Variants in SYT10 observed in about 807,000 individuals in gnomAD.
SYT10 encodes the protein synaptotagmin-10.
A neutral mutation model predicts 51.1 loss-of-function variants in SYT10; 31 were observed. That is an observed-to-expected ratio of 0.61 (90% CI 0.46 to 0.82). The LOEUF (loss-of-function observed/expected upper bound fraction) is 0.82, where lower values mean the gene tolerates loss of function less well. Among genes scored for constraint, SYT10 ranks in the 40% least tolerant of loss-of-function variants. The probability of loss-of-function intolerance (pLI) is 0.00; values close to 1 mark genes in which losing one functional copy is unlikely to be tolerated. For synonymous variants in SYT10, 233 were observed against 225.9 expected (o/e 1.03, Z -0.28); for missense variants, 603 against 634.0 (o/e 0.95, Z 0.53).
chr12:33,415,879 C>A (rs1366697449), intron 2 of SYT10, among the ~76,000 whole-genome samples: 1 of 152,082 alleles, frequency 6.6e-6, no homozygotes, highest in Non-Finnish European at 1.5e-5. Context: ...TAAAATAATC[C>A]ATTGACCTCT....
intron 3 of SYT10, among the ~76,000 whole-genome samples, chr12:33,387,500 T>A (rs1427145465): frequency 6.6e-6 from 1 of 152,188 alleles, no homozygotes; most frequent in Non-Finnish European, 1.5e-5. Context: ...GTGTCTTAGA[T>A]ATATCAGGCA....
chr12:33,428,952 G>A (rs1199521822), intron 1 of SYT10, among the ~76,000 whole-genome samples: 2 of 151,738 alleles, frequency 1.3e-5, no homozygotes, highest in Non-Finnish European at 2.9e-5. Context: ...TGGACTCTGT[G>A]AGAGTAGATA....
At chr12:33,382,623 T>C in intron 4 of SYT10, 103 bp from the exon 5 acceptor site, 1 of 1,051,664 alleles carries the variant, frequency 9.5e-7, no homozygotes, top group South Asian at 2.3e-5. Flanking sequence ...TACTAAGGCC[T>C]ATATTAAGAC....
chr12:33,391,250 TTA>T (rs1390844613), intron 3 of SYT10, among the ~76,000 whole-genome samples: 9 of 151,758 alleles, frequency 5.9e-5, no homozygotes, highest in Admixed American at 4.7e-4. Context: ...TTATTTTATT[TTA>T]TTTTTTTTTA....
At position 33,439,691 on chromosome 12, in the gene SYT10, T is replaced by C. The variant is rs1031023331; in HGVS notation, c.-169A>G. ...TCTTAGGAGCCCCACGTTGGCCCCA[T>C]GGCGGGAGCGGAGGGCGTAGGGGAA... On this transcript the variant is annotated 5_prime_UTR_variant, in exon 1 of 7. It removes an upstream start codon present in the reference 5' UTR. Transcript: ENST00000228567. 10 of 784,572 alleles carry C rather than the reference T, an allele frequency of 1.3e-5. No homozygotes were observed. The highest frequency in any genetic ancestry group is 5.9e-5 in the South Asian group (3 of 50,824). 48.6% of individuals were successfully genotyped at this position (784,572 alleles called of 1,614,324 possible).
intron 3 of SYT10, among the ~76,000 whole-genome samples, chr12:33,402,358 T>A (rs763636247): frequency 6.6e-6 from 1 of 152,230 alleles, no homozygotes; most frequent in Non-Finnish European, 1.5e-5. Context: ...ATGCTGTTTT[T>A]TTCTTCAAGA....
At chr12:33,413,013 G>A (rs1251685106) in intron 2 of SYT10, among the ~76,000 whole-genome samples, 2 of 152,132 alleles carry the variant, frequency 1.3e-5, no homozygotes, top group African/African-American at 2.4e-5. Flanking sequence ...TGAAAACCAC[G>A]GCACGAGAAC....
In SYT10 at chr12:33,434,437, G is replaced by C. The variant is rs113269390; in HGVS notation, c.151+4935C>G. 3.0e-3 allele frequency among the ~76,000 whole-genome samples: 458 copies of C among 152,274 alleles called. 2 individuals are homozygous for C. The highest frequency in any genetic ancestry group is 0.01 in the African/African-American group (431 of 41,560). ...AAGAGATTTGGAGGTTATTAAGTAA[G>C]ACTCATTATCTTACAAATAATAAAG... is the stretch of plus-strand genomic sequence containing the variant. On this transcript the variant is annotated intron_variant, in intron 1 of 6. Coordinates refer to ENST00000228567, the MANE Select transcript of SYT10 (RefSeq NM_198992.4).
rs200778183 is a variant in SYT10, at chr12:33,380,980, A to G, written c.1371-1019T>C. Among the ~76,000 whole-genome samples, 208 of 152,276 alleles carry G rather than the reference A, an allele frequency of 1.4e-3. 1 individual carries two copies. Among genetic ancestry groups the G allele is most frequent in the East Asian group, 5.4e-3 (28 of 5,188 alleles). ...TCTTTAATATGAAATTTCCCAAACA[A>G]GCATGTTTTTAGGTACAAAAATTTT... On this transcript the variant is annotated intron_variant, in intron 5 of 6. Transcript: ENST00000228567.
chr12:33,389,369 T>C (rs749235116), intron 3 of SYT10, among the ~76,000 whole-genome samples: 15 of 152,122 alleles, frequency 9.9e-5, no homozygotes, highest in South Asian at 4.1e-4. Context: ...TTGAGTTTAA[T>C]TGCAAATAAA....
chr12:33,418,337 G>A (rs1387565333), intron 2 of SYT10, among the ~76,000 whole-genome samples: 1 of 151,892 alleles, frequency 6.6e-6, no homozygotes, highest in Non-Finnish European at 1.5e-5. Context: ...ACCTCTCAAC[G>A]CTCAGAAATT....
intron 4 of SYT10, 60 bp downstream of exon 4, chr12:33,385,111 G>T: frequency 1.3e-6 from 2 of 1,581,598 alleles, no homozygotes; most frequent in Non-Finnish European, 8.6e-7. Flanking sequence ...ATCATTTTTA[G>T]ATACATGAAA....
chr12:33,378,502 CGT>C (rs1866085020), intron 6 of SYT10, among the ~76,000 whole-genome samples: 1 of 152,074 alleles, frequency 6.6e-6, no homozygotes, highest in Admixed American at 6.6e-5. Flanking sequence ...TAGTTGGAGA[CGT>C]AGTGAACAGG....
intron 4 of SYT10, 59 bp from the exon 5 acceptor site, chr12:33,382,579 A>G: frequency 6.9e-7 from 1 of 1,457,546 alleles, no homozygotes; most frequent in Non-Finnish European, 9.1e-7. Context: ...CATAAATAAA[A>G]CTGCAGTTTA....
chr12:33,408,986 A>G (rs1866382341), intron 2 of SYT10, among the ~76,000 whole-genome samples: 1 of 150,408 alleles, frequency 6.6e-6, no homozygotes, highest in Admixed American at 6.6e-5. Flanking sequence ...TGGAGTCCAG[A>G]TCCTTATCTC....
chr12:33,434,843 C>T (rs1039122694), intron 1 of SYT10, among the ~76,000 whole-genome samples: 2 of 152,022 alleles, frequency 1.3e-5, no homozygotes, highest in Non-Finnish European at 2.9e-5. Context: ...AATAAAGTAG[C>T]TAGTATGAAC....
At chr12:33,437,277 A>G (rs1416816177) in intron 1 of SYT10, among the ~76,000 whole-genome samples, 2 of 152,228 alleles carry the variant, frequency 1.3e-5, no homozygotes, top group African/African-American at 4.8e-5. Context: ...CCACTTGTAT[A>G]TATTATGTAG....
At chr12:33,398,370 G>A (rs546147901) in intron 3 of SYT10, among the ~76,000 whole-genome samples, 8 of 151,976 alleles carry the variant, frequency 5.3e-5, no homozygotes, top group South Asian at 2.1e-4. Context: ...AAAATTAGCC[G>A]AGCGTGGTGG....
At chr12:33,397,775 A>T (rs1866269418) in intron 3 of SYT10, among the ~76,000 whole-genome samples, 2 of 151,818 alleles carry the variant, frequency 1.3e-5, no homozygotes, top group Admixed American at 1.3e-4. Flanking sequence ...GAGAAGTCTG[A>T]CTCTCCCAAG....
Sources: gnomAD v4.1 joint callset for allele counts (sites outside exome capture counted in the v4.1 genomes callset) on GRCh38, gnomAD v4.1.1 for gene constraint, MANE v1.5 for transcripts, NCBI Gene and HGNC (gene_info 2026-07-23, HGNC 2026-07-21) for gene names.